The following NRG3 variants were observed in gnomAD, a reference collection of about 807,000 sequenced individuals.
The protein encoded by NRG3 is pro-neuregulin-3, membrane-bound isoform.
Under a neutral mutation model 66.9 loss-of-function variants are expected in NRG3, and 31 were observed. That is an observed-to-expected ratio of 0.46 (90% CI 0.35 to 0.63). The LOEUF (loss-of-function observed/expected upper bound fraction) is 0.63. NRG3 is among the 20% of genes least tolerant of loss of function. NRG3 has a pLI of 0.00. For missense variants in NRG3, 910 were observed against 878.9 expected (o/e 1.04, Z -0.45); for synonymous variants, 393 against 359.4 (o/e 1.09, Z -1.06).
chr10:82,961,663 G>A (rs780516977), intron 6 of NRG3, among the ~76,000 whole-genome samples: 10 of 152,156 alleles, frequency 6.6e-5, no homozygotes, highest in African/African-American at 2.2e-4. Context: ...GGTCATTGGC[G>A]CTGATGAACA....
chr10:82,331,518 C>A (rs1158812531), intron 1 of NRG3, among the ~76,000 whole-genome samples: 1 of 152,186 alleles, frequency 6.6e-6, no homozygotes, highest in Admixed American at 6.5e-5. Context: ...GTCAAATAAA[C>A]TGCAAACTGT....
At chr10:82,470,201 G>A (rs1841117011) in intron 2 of NRG3, among the ~76,000 whole-genome samples, 2 of 152,134 alleles carry the variant, frequency 1.3e-5, no homozygotes, top group African/African-American at 4.8e-5. Flanking sequence ...TCTATTTATT[G>A]GGATTAATTG....
chr10:82,331,679 C>A (rs1445518982), intron 1 of NRG3, among the ~76,000 whole-genome samples: 2 of 152,044 alleles, frequency 1.3e-5, no homozygotes, highest in East Asian at 3.8e-4. Context: ...TATGGCTATA[C>A]CTAGAGTCAT....
chr10:81,977,227 A>G (rs1358904132), intron 1 of NRG3, among the ~76,000 whole-genome samples: 1 of 152,172 alleles, frequency 6.6e-6, no homozygotes, highest in African/African-American at 2.4e-5. Context: ...TTAGACCTGT[A>G]TTTCTCCCTT....
intron 2 of NRG3, among the ~76,000 whole-genome samples, chr10:82,408,148 G>GAA (rs1554911360): frequency 1.2e-3 from 165 of 134,262 alleles, no homozygotes; most frequent in Non-Finnish European, 1.7e-3. Context: ...AGAAAGAAAA[G>GAA]AAAAAGAAAA....
At chr10:82,494,001 C>G (rs1342758445) in intron 2 of NRG3, among the ~76,000 whole-genome samples, 2 of 152,162 alleles carry the variant, frequency 1.3e-5, no homozygotes, top group Non-Finnish European at 2.9e-5. Context: ...TTCAACATCA[C>G]TGATTATTAG....
At chr10:82,110,609 T>C (rs11192553) in intron 1 of NRG3, among the ~76,000 whole-genome samples, 15,328 of 152,108 alleles carry the variant, frequency 0.1, 823 homozygotes, top group Middle Eastern at 0.12. Context: ...ATATAGTTTT[T>C]TTTTAATAAG....
At chr10:82,195,334 T>A (rs548434540) in intron 1 of NRG3, among the ~76,000 whole-genome samples, 2 of 152,308 alleles carry the variant, frequency 1.3e-5, no homozygotes, top group South Asian at 4.1e-4. Flanking sequence ...AGTATTTTGA[T>A]GTGTATCATG....
intron 3 of NRG3, among the ~76,000 whole-genome samples, chr10:82,748,033 T>C (rs2058713616): frequency 6.6e-6 from 1 of 151,158 alleles, no homozygotes; most frequent in Non-Finnish European, 1.5e-5. Flanking sequence ...CATTTCTTGA[T>C]GATTTATAAA....
At chr10:82,023,911 T>G (rs911732417) in intron 1 of NRG3, among the ~76,000 whole-genome samples, 1 of 152,070 alleles carries the variant, frequency 6.6e-6, no homozygotes, top group Non-Finnish European at 1.5e-5. Context: ...TTTGGAATAG[T>G]TTAAGTAGAA....
intron 1 of NRG3, among the ~76,000 whole-genome samples, chr10:82,248,269 G>A (rs963094192): frequency 2.0e-5 from 3 of 152,114 alleles, no homozygotes; most frequent in Admixed American, 1.3e-4. Context: ...CCTCTATACT[G>A]TGGCATGTCA....
rs1320630589 is a variant in NRG3 at position 81,892,327 on chromosome 10, A to C, written c.823+16164A>C. Among the ~76,000 whole-genome samples, 85 of 152,098 alleles carry C rather than the reference A, an allele frequency of 5.6e-4. 1 individual carries two copies. Among genetic ancestry groups the C allele is most frequent in the Admixed American group, 5.6e-3 (85 of 15,246 alleles). ...CAAAAATATATATATACATATTCCA[A>C]AAATAAGGGTATGAGGAGCCCTGGA... On this transcript the variant is annotated intron_variant, in intron 1 of 8. Coordinates refer to ENST00000372141, the MANE Select transcript of NRG3 (RefSeq NM_001010848.4).
At chr10:82,791,303 T>C (rs897312017) in intron 3 of NRG3, among the ~76,000 whole-genome samples, 3 of 151,966 alleles carry the variant, frequency 2.0e-5, no homozygotes, top group African/African-American at 7.3e-5. Context: ...ATTGCTGTTT[T>C]TTTTTTGGTT....
intron 1 of NRG3, among the ~76,000 whole-genome samples, chr10:82,155,012 T>C (rs1344200036): frequency 1.3e-5 from 2 of 151,864 alleles, no homozygotes; most frequent in East Asian, 3.9e-4. Context: ...TCACTTCTCT[T>C]TTTTATTTCA....
rs540593786 is a variant in NRG3, at chr10:82,139,134, G to T, written c.824-219605G>T. ...GGTGAAATGGACATTTACTTTTCTG[G>T]CAAGTCTGGGTGTTTTCTGCTTGGA... On this transcript the variant is annotated intron_variant, in intron 1 of 8. Transcript: ENST00000372141. 3.9e-5 allele frequency among the ~76,000 whole-genome samples: 6 copies of T among 152,164 alleles called. No individual in the cohort carries two copies. In the South Asian group the frequency reaches 1.2e-3, roughly 32 times the overall value.
At chr10:82,548,835 A>C (rs1360027671) in intron 2 of NRG3, among the ~76,000 whole-genome samples, 8 of 152,326 alleles carry the variant, frequency 5.3e-5, no homozygotes, top group Middle Eastern at 3.4e-3. Flanking sequence ...GAGGTATCTA[A>C]GAAGCAATGG....
intron 3 of NRG3, among the ~76,000 whole-genome samples, chr10:82,824,931 TG>T (rs1324339605): frequency 1.3e-5 from 2 of 152,044 alleles, no homozygotes; most frequent in Non-Finnish European, 2.9e-5. Flanking sequence ...AGGCTGGCCT[TG>T]AGCTCCTGGA....
intron 2 of NRG3, among the ~76,000 whole-genome samples, chr10:82,687,342 A>G (rs567518599): frequency 6.6e-6 from 1 of 152,162 alleles, no homozygotes; most frequent in East Asian, 1.9e-4. Flanking sequence ...TTCCTCCATC[A>G]CTGCATCCCT....
At chr10:82,329,464 A>C (rs2082038216) in intron 1 of NRG3, among the ~76,000 whole-genome samples, 1 of 150,338 alleles carries the variant, frequency 6.7e-6, no homozygotes, top group East Asian at 1.9e-4. Flanking sequence ...TTTAAAGAAA[A>C]AAAAGAATTA....
Sources: gnomAD v4.1 joint callset for allele counts (sites outside exome capture counted in the v4.1 genomes callset) on GRCh38, gnomAD v4.1.1 for gene constraint, MANE v1.5 for transcripts, NCBI Gene and HGNC (gene_info 2026-07-23, HGNC 2026-07-21) for gene names.